Variants in GSTCD observed in about 807,000 individuals in gnomAD.
GSTCD encodes the protein glutathione S-transferase C-terminal domain containing.
In GSTCD, 44 loss-of-function variants were observed where a neutral mutation model predicts 68.3. That is an observed-to-expected ratio of 0.64 (90% confidence interval 0.51 to 0.83). The LOEUF is 0.83. GSTCD is among the 40% of genes least tolerant of loss of function. The pLI is 0.00. For synonymous variants in GSTCD, 273 were observed against 255.2 expected, an observed-to-expected ratio of 1.07 and a Z score of -0.67; for missense variants, 739 against 735.9, an observed-to-expected ratio of 1.00 and a Z score of -0.05.
At chr4:105,841,332 A>C (rs927720496) in intron 10 of GSTCD, among the ~76,000 whole-genome samples, 2 of 152,038 alleles carry the variant, frequency 1.3e-5, no homozygotes, top group African/African-American at 4.8e-5. Flanking sequence ...TCAAAAAAAA[A>C]AAAGAAAGAA....
chr4:105,736,955 T>C (rs962152141), intron 5 of GSTCD, among the ~76,000 whole-genome samples: 3 of 152,196 alleles, frequency 2.0e-5, no homozygotes, highest in African/African-American at 7.2e-5. Flanking sequence ...TACTCCATCA[T>C]ATATATGTAC....
Position 105,719,108 on chromosome 4 carries a change from G to C in GSTCD, c.475G>C (p.Glu159Gln), listed in dbSNP as rs1560792322. 2.5e-6 allele frequency: 4 copies of C among 1,614,008 alleles called. No individual in the cohort carries two copies. Among genetic ancestry groups the C allele is most frequent in the Non-Finnish European group, 2.5e-6 (3 of 1,179,972 alleles). ...TGAACTCACCATCCCTTTGGCTATT[G>C]AGAATTTTCTCAGAGAATCTTCTGA... Reference protein sequence around the residue: ...LCELTIPLAIENFLRESSDQP... With the variant: ...LCELTIPLAIQNFLRESSDQP... The change falls in exon 3 of 12, where the codon GAG becomes CAG. Residue 159 changes from glutamate (E) to glutamine (Q), a missense_variant. By Grantham distance (29) the Glu-to-Gln change is conservative. Coordinates refer to ENST00000515279, the MANE Select transcript of GSTCD (RefSeq NM_001370181.1).
At chr4:105,715,046 A>T (rs1732643155) in intron 1 of GSTCD, among the ~76,000 whole-genome samples, 1 of 152,162 alleles carries the variant, frequency 6.6e-6, no homozygotes, top group South Asian at 2.1e-4. Flanking sequence ...TGGGCAAATG[A>T]TGAAATCAGT....
At chr4:105,729,559 C>A in intron 5 of GSTCD, 60 bp downstream of exon 5, 1 of 1,058,594 alleles carries the variant, frequency 9.4e-7, no homozygotes, top group Non-Finnish European at 1.4e-6. Context: ...TCAGATATGT[C>A]TTCTAATTCT....
intron 3 of GSTCD, among the ~76,000 whole-genome samples, chr4:105,720,942 T>C (rs1430965174): frequency 2.0e-5 from 3 of 152,156 alleles, no homozygotes; most frequent in Non-Finnish European, 4.4e-5. Flanking sequence ...TCAAAATATT[T>C]TCCTTCGTTC....
chr4:105,820,709 G>T (rs774966567), intron 5 of GSTCD: 1 of 151,798 alleles, frequency 6.6e-6, no homozygotes, highest in South Asian at 2.1e-4. Flanking sequence ...TATGTGCAGC[G>T]TATGGTCTCT....
intron 5 of GSTCD, among the ~76,000 whole-genome samples, chr4:105,778,584 T>C (rs898862581): frequency 2.0e-5 from 3 of 152,160 alleles, no homozygotes; most frequent in African/African-American, 7.2e-5. Context: ...CTGGTATAGC[T>C]AAATTTGAGA....
chr4:105,829,353 G>A (rs1187271492), intron 8 of GSTCD, among the ~76,000 whole-genome samples: 1 of 152,018 alleles, frequency 6.6e-6, no homozygotes, highest in Admixed American at 6.6e-5. Flanking sequence ...TACCAAACAT[G>A]GAAAACTTCC....
At chr4:105,770,988 A>G (rs189972644) in intron 5 of GSTCD, among the ~76,000 whole-genome samples, 17 of 152,302 alleles carry the variant, frequency 1.1e-4, no homozygotes, top group Admixed American at 9.8e-4. Flanking sequence ...ACTCCCATCA[A>G]TAGTGTAAAA....
intron 5 of GSTCD, among the ~76,000 whole-genome samples, chr4:105,749,494 C>T (rs2149225844): frequency 6.7e-6 from 1 of 149,912 alleles, no homozygotes; most frequent in Admixed American, 6.6e-5. Flanking sequence ...AACAATAAAA[C>T]AGAATAATAA....
intron 5 of GSTCD, among the ~76,000 whole-genome samples, chr4:105,771,422 T>G (rs1025013731): frequency 1.3e-5 from 2 of 152,296 alleles, no homozygotes; most frequent in East Asian, 3.9e-4. Context: ...GGTTTTGGTG[T>G]TTTAGTCATG....
intron 5 of GSTCD, chr4:105,807,131 A>G (rs566095576): frequency 6.6e-6 from 1 of 152,206 alleles, no homozygotes; most frequent in South Asian, 2.1e-4. Flanking sequence ...TAGTATAATG[A>G]ATACCCATGT....
chr4:105,757,859 A>G (rs1342717154), intron 5 of GSTCD, among the ~76,000 whole-genome samples: 1 of 152,218 alleles, frequency 6.6e-6, no homozygotes, highest in African/African-American at 2.4e-5. Flanking sequence ...GACTATTTCA[A>G]TATAAATGAA....
intron 11 of GSTCD, among the ~76,000 whole-genome samples, chr4:105,843,187 G>A (rs1724424725): frequency 6.6e-6 from 1 of 152,154 alleles, no homozygotes. Context: ...AGGCAGCATA[G>A]CAAGATGCTC....
chr4:105,809,130 T>C (rs1452040676), intron 5 of GSTCD, among the ~76,000 whole-genome samples: 7 of 152,062 alleles, frequency 4.6e-5, no homozygotes, highest in Non-Finnish European at 7.4e-5. Context: ...CATCTATCCA[T>C]GAAATTATGA....
rs1411143597 is a variant in GSTCD at position 105,803,016 on chromosome 4, T to C, written c.1241-19938T>C. ...CTGGTTTGCTGGGACTCTGCTGCAG[T>C]ACTATTTATTTCTCACAATAGTCCT... is the stretch of plus-strand genomic sequence containing the variant. On this transcript the variant is annotated intron_variant, in intron 5 of 11. Transcript: ENST00000515279. Among the ~76,000 whole-genome samples, 6 of 152,212 alleles carry C rather than the reference T, an allele frequency of 3.9e-5. No homozygotes were observed. In the South Asian group the frequency reaches 1.2e-3, roughly 32 times the overall value.
intron 5 of GSTCD, among the ~76,000 whole-genome samples, chr4:105,734,982 C>T (rs1262019951): frequency 6.6e-6 from 1 of 152,200 alleles, no homozygotes; most frequent in Non-Finnish European, 1.5e-5. Flanking sequence ...GCAGTGTAGG[C>T]TGCAGAACAG....
intron 5 of GSTCD, among the ~76,000 whole-genome samples, chr4:105,784,505 G>A (rs1000541796): frequency 4.6e-5 from 7 of 152,228 alleles, no homozygotes; most frequent in Non-Finnish European, 1.0e-4. Flanking sequence ...CAACAAAGTT[G>A]CATTGGATTA....
At chr4:105,762,428 T>G (rs1334041709) in intron 5 of GSTCD, among the ~76,000 whole-genome samples, 1 of 152,230 alleles carries the variant, frequency 6.6e-6, no homozygotes, top group African/African-American at 2.4e-5. Flanking sequence ...TGATAAACAC[T>G]TAAAATAAAT....
Sources: allele counts gnomAD v4.1 joint callset (sites outside exome capture counted in the v4.1 genomes callset), GRCh38; gene constraint gnomAD v4.1.1; transcripts MANE v1.5; gene names NCBI Gene and HGNC (gene_info 2026-07-23, HGNC 2026-07-21).